ACVR2A: variants seen among roughly 807,000 people sequenced by gnomAD.
ACVR2A encodes activin receptor type-2A.
In ACVR2A, 7 loss-of-function variants were observed where a neutral mutation model predicts 61.4. The ratio of observed to expected loss-of-function variants is 0.11; its 90% CI spans 0.06 to 0.21. The LOEUF is 0.21. Ranked by LOEUF, ACVR2A falls within the 10% of genes least tolerant of loss-of-function variation. The pLI is 1.00. For missense variants in ACVR2A, 322 were observed against 621.7 expected (o/e 0.52, Z 5.13); for synonymous variants, 193 against 208.3 (o/e 0.93, Z 0.63).
At position 147,927,337 on chromosome 2, in the gene ACVR2A, A is replaced by C; in HGVS notation, c.*63A>C. ...TGAACTGGAGCTGCTAAGCTAAAGAAACTGCTTACAGTTTATTTTCTGTGT... is the reference window on the plus strand; with the variant it reads ...TGAACTGGAGCTGCTAAGCTAAAGACACTGCTTACAGTTTATTTTCTGTGT... On this transcript the variant is annotated 3_prime_UTR_variant, in exon 11 of 11. Coordinates refer to ENST00000241416, the MANE Select transcript of ACVR2A (RefSeq NM_001616.5). 7.0e-7 allele frequency: 1 copy of C among 1,435,698 alleles called. No individual in the cohort carries two copies. Among genetic ancestry groups the C allele is most frequent in the South Asian group, 1.3e-5 (1 of 76,200 alleles). 88.9% of individuals were successfully genotyped at this position (1,435,698 alleles called of 1,614,324 possible).
At chr2:147,860,163 C>G (rs148989952) in intron 1 of ACVR2A, among the ~76,000 whole-genome samples, 64 of 152,160 alleles carry the variant, frequency 4.2e-4, no homozygotes, top group African/African-American at 1.5e-3. Context: ...TAGTACTATC[C>G]CTGCTCCTTC....
At chr2:147,901,627 C>A (rs551739610) in intron 4 of ACVR2A, among the ~76,000 whole-genome samples, 36 of 152,048 alleles carry the variant, frequency 2.4e-4, no homozygotes, top group African/African-American at 8.4e-4. Context: ...TTAGTACTTA[C>A]ATGCTCTGTC....
At chr2:147,914,563 ATC>A (rs1474763807) in intron 4 of ACVR2A, among the ~76,000 whole-genome samples, 1 of 151,896 alleles carries the variant, frequency 6.6e-6, no homozygotes, top group Non-Finnish European at 1.5e-5. Flanking sequence ...ATGATTTTTT[ATC>A]TCAGATCAAA....
At chr2:147,922,221 C>A (rs753606882) in intron 8 of ACVR2A, among the ~76,000 whole-genome samples, 22 of 152,066 alleles carry the variant, frequency 1.4e-4, no homozygotes, top group Non-Finnish European at 2.5e-4. Flanking sequence ...TAAAAAAAAT[C>A]TTTACATGTA....
chr2:147,924,984 G>T (rs966701986), intron 9 of ACVR2A, among the ~76,000 whole-genome samples: 1 of 151,932 alleles, frequency 6.6e-6, no homozygotes, highest in African/African-American at 2.4e-5. Context: ...TTTGAAGAGG[G>T]TTAAGTTAGA....
chr2:147,871,489 C>T (rs560816605), intron 1 of ACVR2A, among the ~76,000 whole-genome samples: 18 of 152,072 alleles, frequency 1.2e-4, no homozygotes, highest in African/African-American at 4.1e-4. Flanking sequence ...AATATCTAGC[C>T]TAGATGTCTC....
rs1041025168 is a variant in ACVR2A at position 147,930,121 on chromosome 2, A to G, written c.*2847A>G. The G allele has an allele frequency of 6.6e-6, 1 of 152,504 alleles. No individual in the cohort carries two copies. The highest frequency in any genetic ancestry group is 2.4e-5 in the African/African-American group (1 of 41,424). The allele number at this position is 152,504 out of a possible 1,614,324, so 9.4% of individuals were successfully genotyped here. A position where few individuals can be genotyped will look rare whatever the true frequency, so the allele number is the denominator to read the frequency against. ...ACTGTGCTTCACGATTGTTAGTCCCATGAACTTGCACTATCTATCTTTCAT... is the reference window on the plus strand; with the variant it reads ...ACTGTGCTTCACGATTGTTAGTCCCGTGAACTTGCACTATCTATCTTTCAT... On this transcript the variant is annotated 3_prime_UTR_variant, in exon 11 of 11. Coordinates refer to ENST00000241416, the MANE Select transcript of ACVR2A (RefSeq NM_001616.5).
intron 1 of ACVR2A, among the ~76,000 whole-genome samples, chr2:147,845,618 C>T (rs1685292528): frequency 6.6e-6 from 1 of 152,120 alleles, no homozygotes; most frequent in Non-Finnish European, 1.5e-5. Flanking sequence ...TTTTTGTCAT[C>T]GTTTAATTAG....
chr2:147,910,255 A>C (rs1687082604), intron 4 of ACVR2A, among the ~76,000 whole-genome samples: 1 of 152,066 alleles, frequency 6.6e-6, no homozygotes, highest in Non-Finnish European at 1.5e-5. Flanking sequence ...TTTTGGTAAG[A>C]TGTATGGATA....
intron 2 of ACVR2A, 33 bp from the exon 3 acceptor site, chr2:147,899,425 G>A (rs777147436): frequency 1.4e-6 from 2 of 1,470,210 alleles, no homozygotes; most frequent in Admixed American, 3.7e-5. Flanking sequence ...TAATAATATT[G>A]ATTTTAATTA....
At chr2:147,902,598 T>G (rs1284480971) in intron 4 of ACVR2A, among the ~76,000 whole-genome samples, 1 of 152,012 alleles carries the variant, frequency 6.6e-6, no homozygotes, top group Non-Finnish European at 1.5e-5. Context: ...TTCATGTGTT[T>G]TCCATTAAAA....
chr2:147,854,467 A>G (rs1387224698), intron 1 of ACVR2A, among the ~76,000 whole-genome samples: 1 of 152,224 alleles, frequency 6.6e-6, no homozygotes, highest in African/African-American at 2.4e-5. Flanking sequence ...ACACAAAGCT[A>G]TTCAATGACT....
intron 1 of ACVR2A, among the ~76,000 whole-genome samples, chr2:147,848,319 ATC>A (rs1685365909): frequency 6.6e-6 from 1 of 152,004 alleles, no homozygotes; most frequent in East Asian, 1.9e-4. Context: ...CCTGTTTATG[ATC>A]TAAGCCAACA....
chr2:147,886,116 TA>T (rs1378350821), intron 1 of ACVR2A, among the ~76,000 whole-genome samples: 1 of 152,136 alleles, frequency 6.6e-6, no homozygotes, highest in Non-Finnish European at 1.5e-5. Flanking sequence ...TCCAAGTACC[TA>T]AAATCATTCT....
At chr2:147,849,412 G>T (rs1315646830) in intron 1 of ACVR2A, among the ~76,000 whole-genome samples, 2 of 151,894 alleles carry the variant, frequency 1.3e-5, no homozygotes, top group Non-Finnish European at 2.9e-5. Context: ...TTTTAAAAAA[G>T]ATATTTCTTT....
chr2:147,883,960 T>C (rs930580868), intron 1 of ACVR2A, among the ~76,000 whole-genome samples: 2 of 152,200 alleles, frequency 1.3e-5, no homozygotes, highest in Non-Finnish European at 2.9e-5. Flanking sequence ...TGCATCTTCC[T>C]AAGTAAAATA....
intron 1 of ACVR2A, among the ~76,000 whole-genome samples, chr2:147,855,629 T>A (rs1182980619): frequency 6.6e-6 from 1 of 152,186 alleles, no homozygotes; most frequent in Non-Finnish European, 1.5e-5. Flanking sequence ...TGCCTACACT[T>A]ATCAGTCTTC....
chr2:147,916,442 C>T (rs185081642), intron 5 of ACVR2A, among the ~76,000 whole-genome samples: 2 of 151,980 alleles, frequency 1.3e-5, no homozygotes, highest in African/African-American at 2.4e-5. Context: ...TATGAGTACT[C>T]ACTAATATGT....
At chr2:147,911,111 G>T (rs1687100471) in intron 4 of ACVR2A, among the ~76,000 whole-genome samples, 1 of 152,022 alleles carries the variant, frequency 6.6e-6, no homozygotes, top group African/African-American at 2.4e-5. Flanking sequence ...CTGCTAGCTC[G>T]TTTTTGCTAA....
Sources: gnomAD v4.1 joint callset for allele counts (sites outside exome capture counted in the v4.1 genomes callset) on GRCh38, gnomAD v4.1.1 for gene constraint, MANE v1.5 for transcripts, NCBI Gene and HGNC (gene_info 2026-07-23, HGNC 2026-07-21) for gene names.